The following ARSD variants were observed in gnomAD, a reference collection of about 807,000 sequenced individuals.
ARSD encodes the protein testis tissue sperm-binding protein Li 39a.
ARSD carries 21 observed loss-of-function variants against 32.6 expected under a neutral mutation model. The ratio of observed to expected loss-of-function variants is 0.64; its 90% confidence interval spans 0.46 to 0.93. ARSD has a LOEUF of 0.93. ARSD is among the 40% of genes least tolerant of loss of function. The pLI, the probability that ARSD is intolerant of heterozygous loss-of-function variation, is 0.00. For missense variants in ARSD, 454 were observed against 520.9 expected (o/e 0.87, Z 1.25); for synonymous variants, 224 against 237.4 (o/e 0.94, Z 0.52).
At position 2,907,700 on chromosome X, in the gene ARSD, G is replaced by A. The variant is rs2088864004; in HGVS notation, c.1421-68C>T. 3.7e-6 allele frequency: 4 copies of A among 1,083,120 alleles called. No homozygotes were observed. In the East Asian group the frequency reaches 1.4e-4, roughly 37 times the overall value. The allele number at this position is 1,083,120 out of a possible 1,213,427, so 89.3% of individuals were successfully genotyped here. On this transcript the variant is annotated intron_variant, in intron 9 of 9. Coordinates refer to ENST00000381154, the MANE Select transcript of ARSD (RefSeq NM_001669.4). ...GCAGGTGTGAACGCAGAACGCAGGT[G>A]TCGGCCCTGTGGTATCAGCATGAAC...
chrX:2,912,937 C>T (rs2088914647), intron 6 of ARSD, among the ~76,000 whole-genome samples: 1 of 112,339 alleles, frequency 8.9e-6, no homozygotes, highest in Non-Finnish European at 1.9e-5. Flanking sequence ...AAAATGCAGA[C>T]TTTGAAGCCT....
chrX:2,929,091 G>A, intron 1 of ARSD, 141 bp downstream of exon 1: 1 of 547,058 alleles, frequency 1.8e-6, no homozygotes, highest in Non-Finnish European at 2.5e-6. Context: ...CTACATTTTG[G>A]AGACTACAAG....
At position 2,907,119 on chromosome X, in the gene ARSD, A is replaced by AAAAAAAAG. The variant is rs1555904364; in HGVS notation, c.*151_*152insCTTTTTTT. The AAAAAAAAG allele has an allele frequency of 1.3e-5, 7 of 521,575 alleles. No individual in the cohort carries two copies. The highest frequency in any genetic ancestry group is 1.1e-4 in the East Asian group (3 of 26,597). The allele number at this position is 521,575 out of a possible 1,213,427, so 43.0% of individuals were successfully genotyped here. ...GGGACAGAGCGACACTCTGTCTCAAAAAAGAAAGAAAGAAAGAAAGAAAGT... is the reference window on the plus strand; with the variant it reads ...GGGACAGAGCGACACTCTGTCTCAAAAAAAAAAGAAAGAAAGAAAGAAAGAAAGAAAGT... On this transcript the variant is annotated 3_prime_UTR_variant, in exon 10 of 10. Transcript: ENST00000381154.
At chrX:2,927,307 T>C (rs184078574) in intron 1 of ARSD, among the ~76,000 whole-genome samples, 4 of 109,707 alleles carry the variant, frequency 3.6e-5, no homozygotes, top group Admixed American at 2.9e-4. Context: ...TCGCCCAGGC[T>C]GCAGTTCAAT....
At chrX:2,925,489 C>A (rs1337704351) in intron 2 of ARSD, 127 bp downstream of exon 2, 1 of 728,428 alleles carries the variant, frequency 1.4e-6, no homozygotes, top group Non-Finnish European at 1.9e-6. Context: ...GGCCTTTTTA[C>A]CTGTTGGTAG....
At position 2,909,483 on chromosome X, in the gene ARSD, G is replaced by A. The variant is rs746289712; in HGVS notation, c.1298+334C>T. Among the ~76,000 whole-genome samples the A allele has an allele frequency of 1.3e-4, 14 of 110,730 alleles. No individual in the cohort carries two copies. In the South Asian group the frequency reaches 5.3e-3, roughly 42 times the overall value. ...ATTATCGGCATGAGCCATTGCATCC[G>A]ACCTGTCCTTACTTTTTAATCATAA... On this transcript the variant is annotated intron_variant, in intron 8 of 9. Transcript: ENST00000381154.
At chrX:2,910,068 AC>A in intron 7 of ARSD, 89 bp from the exon 8 acceptor site, 18 of 1,099,012 alleles carry the variant, frequency 1.6e-5, no homozygotes, top group Non-Finnish European at 1.5e-5. Flanking sequence ...GTATGTGAAT[AC>A]GCACAGCCAC....
At chrX:2,908,630 TCATCCATCCATC>T (rs1173410601) in intron 9 of ARSD, 79 bp downstream of exon 9, 24 of 883,978 alleles carry the variant, frequency 2.7e-5, no homozygotes, top group South Asian at 1.6e-4. Context: ...ATCCATCCAT[TCATCCATCCATC>T]CATCCATCCA....
intron 4 of ARSD, among the ~76,000 whole-genome samples, chrX:2,919,063 G>C (rs895811140): frequency 9.0e-6 from 1 of 110,711 alleles, no homozygotes; most frequent in Non-Finnish European, 1.9e-5. Context: ...GCTGCAGTGA[G>C]TTGCAATCGT....
At chrX:2,909,563 A>G (rs1359440047) in intron 8 of ARSD, among the ~76,000 whole-genome samples, 1 of 108,226 alleles carries the variant, frequency 9.2e-6, no homozygotes, top group Non-Finnish European at 1.9e-5. Context: ...GCATGCCTGT[A>G]ATCCCAGCTA....
intron 6 of ARSD, chrX:2,913,452 G>A: frequency 1.4e-6 from 1 of 715,663 alleles, no homozygotes. Context: ...GGCAAAGGAG[G>A]GAATCCATTC....
intron 7 of ARSD, 140 bp from the exon 8 acceptor site, chrX:2,910,119 C>A: frequency 1.3e-6 from 1 of 757,407 alleles, no homozygotes; most frequent in Non-Finnish European, 1.8e-6. Flanking sequence ...CTCAGCTTCC[C>A]AAAAACAGCC....
At chrX:2,913,755 T>G (rs1314803444) in intron 6 of ARSD, 1 of 919,503 alleles carries the variant, frequency 1.1e-6, no homozygotes, top group Non-Finnish European at 1.4e-6. Flanking sequence ...TGGATGTGTG[T>G]CCCCGCCCAA....
intron 2 of ARSD, among the ~76,000 whole-genome samples, chrX:2,924,470 G>C (rs1222347595): frequency 8.8e-6 from 1 of 113,554 alleles, no homozygotes; most frequent in East Asian, 2.8e-4. Flanking sequence ...CCTTCTAGGA[G>C]AAAAGCCCAC....
At position 2,907,280 on chromosome X, in the gene ARSD, G is replaced by C. The variant is rs2088858814; in HGVS notation, c.1773C>G (p.Gly591=). Residue 591 remains glycine (G), a synonymous_variant, in exon 10 of 10, where the codon GGC becomes GGG. Coordinates refer to ENST00000381154, the MANE Select transcript of ARSD (RefSeq NM_001669.4). Reference sequence around the variant, plus strand: ...CTCACAGTCCTGGCATTCAGGGGGTGCCATCCCCATCCTCGTGGCATGAAC... The same window carrying C: ...CTCACAGTCCTGGCATTCAGGGGGTCCCATCCCCATCCTCGTGGCATGAAC... ...PFCSCHEDGD[G]TP is the part of the protein sequence containing the mutation. The C allele has an allele frequency of 8.3e-7, 1 of 1,205,050 alleles. No homozygotes were observed. The highest frequency in any genetic ancestry group is 1.7e-5 in the African/African-American group (1 of 57,359).
rs1372746619 is a variant in ARSD, at chrX:2,907,241, C to A, written c.*30G>T. On this transcript the variant is annotated 3_prime_UTR_variant, in exon 10 of 10. Transcript: ENST00000381154. ...ATTTTGTTTGCAACGCAGTCAGGCT[C>A]TCCTGGATCCTCTCTCACAGTCCTG... The A allele has an allele frequency of 8.5e-7, 1 of 1,172,346 alleles. No homozygotes were observed.
intron 1 of ARSD, among the ~76,000 whole-genome samples, chrX:2,926,020 C>T (rs2089079683): frequency 1.8e-5 from 2 of 111,790 alleles, no homozygotes; most frequent in South Asian, 7.5e-4. Context: ...AATTCTGTAA[C>T]CAGTTACAGG....
chrX:2,907,276 G>A lies in ARSD; in HGVS notation c.1777C>T (p.Pro593Ser). 1 of 1,204,648 alleles carries A rather than the reference G, an allele frequency of 8.3e-7. No homozygotes were observed. The change falls in exon 10 of 10, where the codon CCC becomes TCC. Residue 593 changes from proline to serine, a missense_variant. By Grantham distance (74) the Pro-to-Ser change is moderately conservative (BLOSUM62 -1). Around this residue, in one of 3 missense-constraint regions of ARSD, gnomAD observed 179 missense variants for 198.5 expected, o/e 0.90. Transcript: ENST00000381154. ...CSCHEDGDGTP is the reference protein window; with the variant it reads ...CSCHEDGDGTS ...CTCTCTCACAGTCCTGGCATTCAGG[G>A]GGTGCCATCCCCATCCTCGTGGCAT... is the stretch of plus-strand genomic sequence containing the variant.
At chrX:2,927,073 C>T (rs2089089476) in intron 1 of ARSD, among the ~76,000 whole-genome samples, 1 of 108,418 alleles carries the variant, frequency 9.2e-6, no homozygotes, top group Non-Finnish European at 1.9e-5. Context: ...TCCGGTGTGG[C>T]CAGCAGGGCA....
Sources: gnomAD v4.1 joint callset for allele counts (sites outside exome capture counted in the v4.1 genomes callset) on GRCh38, gnomAD v4.1.1 for gene constraint, gnomAD v4.1.1 regional missense constraint, MANE v1.5 for transcripts, NCBI Gene and HGNC (gene_info 2026-07-23, HGNC 2026-07-21) for gene names.